DGKG: variants seen among roughly 807,000 people sequenced by gnomAD.
DGKG encodes DAG kinase gamma.
Under a neutral mutation model 105.3 loss-of-function variants are expected in DGKG, and 78 were observed. That is an observed-to-expected ratio of 0.74 (90% confidence interval 0.62 to 0.89). DGKG has a LOEUF of 0.89. DGKG is among the 40% of genes least tolerant of loss of function. DGKG has a pLI of 0.00. For synonymous variants in DGKG, 346 were observed against 367.1 expected (o/e 0.94, Z 0.66); for missense variants, 958 against 1,020.1 (o/e 0.94, Z 0.83).
intron 20 of DGKG, among the ~76,000 whole-genome samples, chr3:186,232,791 A>T (rs1209857580): frequency 1.3e-5 from 2 of 152,220 alleles, no homozygotes; most frequent in Non-Finnish European, 2.9e-5. Context: ...TACATTGATG[A>T]CTTACACCCT....
chr3:186,280,144 T>A (rs1722763953), intron 8 of DGKG, among the ~76,000 whole-genome samples, 171 bp from the exon 9 acceptor site: 1 of 152,206 alleles, frequency 6.6e-6, no homozygotes, highest in Admixed American at 6.5e-5. Flanking sequence ...GGCTTCCAGG[T>A]CTGGCTCTGC....
At chr3:186,300,706 G>A (rs1308050817) in intron 3 of DGKG, among the ~76,000 whole-genome samples, 4 of 152,092 alleles carry the variant, frequency 2.6e-5, no homozygotes, top group African/African-American at 9.7e-5. Flanking sequence ...AAAACTATCA[G>A]AATAAAATAT....
At chr3:186,274,959 CCACACTG>C (rs1403483945) in intron 10 of DGKG, among the ~76,000 whole-genome samples, 3 of 152,126 alleles carry the variant, frequency 2.0e-5, no homozygotes, top group African/African-American at 7.2e-5. Context: ...TGAGGAATCG[CCACACTG>C]TCTTCCACAA....
At chr3:186,200,524 A>G (rs1277927683) in intron 21 of DGKG, among the ~76,000 whole-genome samples, 1 of 152,210 alleles carries the variant, frequency 6.6e-6, no homozygotes, top group Non-Finnish European at 1.5e-5. Context: ...CCCACTTATC[A>G]GAATGTGCTA....
At chr3:186,225,722 T>C (rs1441097690) in intron 20 of DGKG, among the ~76,000 whole-genome samples, 2 of 152,126 alleles carry the variant, frequency 1.3e-5, no homozygotes, top group Non-Finnish European at 2.9e-5. Context: ...ACTTCTCTCA[T>C]TTACATGAAC....
intron 3 of DGKG, among the ~76,000 whole-genome samples, chr3:186,299,819 T>C (rs1723806854): frequency 3.6e-5 from 4 of 110,390 alleles, no homozygotes; most frequent in African/African-American, 1.4e-4. Flanking sequence ...CTTTCTTTCT[T>C]TCTTTCTTTC....
intron 1 of DGKG, among the ~76,000 whole-genome samples, chr3:186,358,131 G>A (rs1179209950): frequency 1.3e-5 from 2 of 152,210 alleles, no homozygotes; most frequent in Non-Finnish European, 1.5e-5. Flanking sequence ...TCTCTTATTC[G>A]TTCATTCGTC....
chr3:186,239,125 A>G (rs1168592533), intron 20 of DGKG, among the ~76,000 whole-genome samples: 1 of 152,212 alleles, frequency 6.6e-6, no homozygotes, highest in African/African-American at 2.4e-5. Context: ...AATAGCCAAG[A>G]AAAGGGAATC....
At chr3:186,342,692 A>G (rs1726143208) in intron 1 of DGKG, among the ~76,000 whole-genome samples, 1 of 152,184 alleles carries the variant, frequency 6.6e-6, no homozygotes, top group Non-Finnish European at 1.5e-5. Context: ...CTCAGAAGAC[A>G]TGATTGTCAA....
At chr3:186,313,885 G>T (rs1478013963) in intron 2 of DGKG, among the ~76,000 whole-genome samples, 1 of 151,746 alleles carries the variant, frequency 6.6e-6, no homozygotes, top group Non-Finnish European at 1.5e-5. Flanking sequence ...ATGGGCCCAG[G>T]ACTTCATGAG....
At chr3:186,165,613 A>G (rs1716503136) in intron 22 of DGKG, among the ~76,000 whole-genome samples, 1 of 152,196 alleles carries the variant, frequency 6.6e-6, no homozygotes, top group Non-Finnish European at 1.5e-5. Flanking sequence ...TTTCACCAAC[A>G]TCAGAGTCTG....
rs201432882 is a variant in DGKG at position 186,315,661 on chromosome 3, T to TAAA, written c.67+4729_67+4731dup. 4.1e-4 allele frequency among the ~76,000 whole-genome samples: 58 copies of TAAA among 141,154 alleles called. 2 individuals carry two copies. In the South Asian group the frequency reaches 0.013, roughly 31 times the overall value. 92.6% of individuals were successfully genotyped at this position (141,154 alleles called of 152,430 possible). A position where few individuals can be genotyped will look rare whatever the true frequency, so the allele number is the denominator to read the frequency against. On this transcript the variant is annotated intron_variant, in intron 2 of 24. Coordinates refer to ENST00000265022, the MANE Select transcript of DGKG (RefSeq NM_001346.3). ...GTTAGATGAAATAGTACAAATGTAG[T>TAAA]AAAAAAAAAAAAAAATCTCTGCAAC... is the stretch of plus-strand genomic sequence containing the variant.
chr3:186,279,996 A>T, intron 8 of DGKG, 23 bp from the exon 9 acceptor site: 1 of 1,613,178 alleles, frequency 6.2e-7, no homozygotes, highest in Non-Finnish European at 8.5e-7. Flanking sequence ...AAGAGCAATC[A>T]TTGTCCATTT....
At chr3:186,165,543 G>A (rs922549946) in intron 22 of DGKG, among the ~76,000 whole-genome samples, 1 of 152,152 alleles carries the variant, frequency 6.6e-6, no homozygotes, top group South Asian at 2.1e-4. Context: ...GACGTCCTCA[G>A]GAAAACCAAT....
chr3:186,182,858 G>A (rs1717425125), intron 22 of DGKG, among the ~76,000 whole-genome samples: 1 of 152,136 alleles, frequency 6.6e-6, no homozygotes, highest in South Asian at 2.1e-4. Flanking sequence ...AGGGTGGGAG[G>A]CTTTGAAGGG....
In DGKG at chr3:186,263,090, G is replaced by A. The variant is rs555477400; in HGVS notation, c.1270-1312C>T. ...TGCAGTGAGCTGAGATCTCGCCACCGCACTCCAGCCTGGGCGACAGAGCAA... is the reference window on the plus strand; with the variant it reads ...TGCAGTGAGCTGAGATCTCGCCACCACACTCCAGCCTGGGCGACAGAGCAA... On this transcript the variant is annotated intron_variant, in intron 14 of 24. Coordinates refer to ENST00000265022, the MANE Select transcript of DGKG (RefSeq NM_001346.3). Among the ~76,000 whole-genome samples, 6 of 151,650 alleles carry A rather than the reference G, an allele frequency of 4.0e-5. No individual in the cohort carries two copies. In the South Asian group the frequency reaches 8.3e-4, roughly 21 times the overall value.
chr3:186,284,179 CG>C lies in DGKG; in HGVS notation c.594+480del, dbSNP rs1250992163. On this transcript the variant is annotated intron_variant, in intron 7 of 24. Transcript: ENST00000265022. The surrounding 1 kb of genome is among the most constrained non-coding windows in gnomAD (Gnocchi z 4.0). Reference sequence around the variant, plus strand: ...GAGTAGGAGAGGCAGCCAAGGGTGACGGCAAAGCACATCAGCAGTGACCAGC... The same window carrying C: ...GAGTAGGAGAGGCAGCCAAGGGTGACGCAAAGCACATCAGCAGTGACCAGC... Among the ~76,000 whole-genome samples the C allele has an allele frequency of 6.6e-6, 1 of 152,236 alleles. No homozygotes were observed. The highest frequency in any genetic ancestry group is 1.9e-4 in the East Asian group (1 of 5,176).
intron 19 of DGKG, among the ~76,000 whole-genome samples, chr3:186,250,581 G>T (rs1324895136): frequency 3.5e-5 from 1 of 28,732 alleles, no homozygotes; most frequent in South Asian, 1.7e-3. Flanking sequence ...ACAGAGTCTC[G>T]CTCTGTTGTC....
chr3:186,253,225 C>G (rs752679543), intron 17 of DGKG, 43 bp from the exon 18 acceptor site: 1 of 1,509,552 alleles, frequency 6.6e-7, no homozygotes, highest in Non-Finnish European at 9.2e-7. Flanking sequence ...TGCCATGGGA[C>G]TGTAGAATGT....
Sources: allele counts gnomAD v4.1 joint callset (sites outside exome capture counted in the v4.1 genomes callset), GRCh38; gene constraint gnomAD v4.1.1; non-coding constraint Gnocchi (gnomAD v3.1); transcripts MANE v1.5; gene names NCBI Gene and HGNC (gene_info 2026-07-23, HGNC 2026-07-21).